The following RASSF4 variants were observed in gnomAD, a reference collection of about 807,000 sequenced individuals.
RASSF4 encodes ras association domain-containing protein 4.
A neutral mutation model predicts 41.1 loss-of-function variants in RASSF4; 38 were observed. The ratio of observed to expected loss-of-function variants is 0.92; its 90% confidence interval spans 0.71 to 1.21. The LOEUF (loss-of-function observed/expected upper bound fraction) is 1.21. Among genes scored for constraint, RASSF4 ranks in the 50% most tolerant of loss-of-function variants. The probability of loss-of-function intolerance (pLI) is 0.00; values close to 1 mark genes in which losing one functional copy is unlikely to be tolerated. For missense variants in RASSF4, 414 were observed against 419.4 expected, an observed-to-expected ratio of 0.99 and a Z score of 0.11; for synonymous variants, 179 against 163.4, an observed-to-expected ratio of 1.10 and a Z score of -0.73.
chr10:44,978,289 G>C, intron 3 of RASSF4: 1 of 462,552 alleles, frequency 2.2e-6, no homozygotes, highest in Non-Finnish European at 3.8e-6. Context: ...ACAGATAAGA[G>C]AACCTAACCT....
chr10:44,987,365 G>A (rs1841956143), intron 6 of RASSF4, among the ~76,000 whole-genome samples: 1 of 152,160 alleles, frequency 6.6e-6, no homozygotes, highest in Admixed American at 6.5e-5. Context: ...CCAAAGTGCT[G>A]GGATTACAGG....
intron 6 of RASSF4, among the ~76,000 whole-genome samples, chr10:44,988,365 G>A (rs187443535): frequency 1.2e-4 from 18 of 152,268 alleles, no homozygotes; most frequent in Non-Finnish European, 1.5e-4. Context: ...TATTGAGGAC[G>A]GACCTATTAT....
intron 1 of RASSF4, among the ~76,000 whole-genome samples, 168 bp from the exon 2 acceptor site, chr10:44,969,995 CAT>C (rs1332704784): frequency 2.0e-5 from 3 of 152,250 alleles, no homozygotes; most frequent in Non-Finnish European, 4.4e-5. Context: ...GCTTGACTGA[CAT>C]GTGGCCATGT....
At chr10:44,972,473 A>G (rs991150363) in intron 3 of RASSF4, among the ~76,000 whole-genome samples, 4 of 152,252 alleles carry the variant, frequency 2.6e-5, no homozygotes, top group African/African-American at 9.6e-5. Flanking sequence ...TCAGAAGAGG[A>G]TAGATTATCT....
At position 44,995,814 on chromosome 10, in the gene RASSF4, A is replaced by T. The variant is rs1296319165; in HGVS notation, c.*2485A>T. ...GGGAGCTCCCGCTTTCTTTCTACAT[A>T]GAGCTTAGGGTATTTCTCATATGCC... On this transcript the variant is annotated 3_prime_UTR_variant, in exon 11 of 11. Transcript: ENST00000340258. 1 of 152,138 alleles carries T rather than the reference A, an allele frequency of 6.6e-6. No homozygotes were observed. The highest frequency in any genetic ancestry group is 6.6e-5 in the Admixed American group (1 of 15,266). The allele number at this position is 152,138 out of a possible 1,614,324, so 9.4% of individuals were successfully genotyped here.
chr10:44,988,350 G>T (rs915311641), intron 6 of RASSF4, among the ~76,000 whole-genome samples: 1 of 152,212 alleles, frequency 6.6e-6, no homozygotes, highest in Non-Finnish European at 1.5e-5. Flanking sequence ...TACACAGCTA[G>T]GGTTTATTGA....
intron 1 of RASSF4, among the ~76,000 whole-genome samples, chr10:44,962,414 G>A (rs1564448196): frequency 1.3e-5 from 2 of 152,228 alleles, no homozygotes; most frequent in Non-Finnish European, 2.9e-5. Flanking sequence ...CATTTTCTGG[G>A]GAGAGTGCAC....
intron 3 of RASSF4, chr10:44,978,352 C>A: frequency 3.3e-6 from 1 of 299,558 alleles, no homozygotes; most frequent in East Asian, 8.0e-5. Flanking sequence ...CGGCCACGCA[C>A]TGACCATGGG....
rs182496269 is a variant in RASSF4 at position 44,995,670 on chromosome 10, A to G, written c.*2341A>G. 2.0e-5 allele frequency: 3 copies of G among 152,234 alleles called. No individual in the cohort carries two copies. The East Asian group carries it at 5.8e-4, about 29-fold the overall frequency. 9.4% of individuals were successfully genotyped at this position (152,234 alleles called of 1,614,324 possible). ...CTGAGGAGTTCACACCTTTTTTTCT[A>G]AATCAACATCATATTTGCTGTTCAG... On this transcript the variant is annotated 3_prime_UTR_variant, in exon 11 of 11. Transcript: ENST00000340258.
intron 10 of RASSF4, 130 bp downstream of exon 10, chr10:44,992,132 T>C (rs1842137610): frequency 1.6e-6 from 1 of 621,826 alleles, no homozygotes; most frequent in Non-Finnish European, 2.9e-6. Context: ...GAAGGCCTGC[T>C]AACCCTAGCT....
At chr10:44,991,364 A>G in intron 9 of RASSF4, 1 of 298,060 alleles carries the variant, frequency 3.4e-6, no homozygotes, top group Non-Finnish European at 6.2e-6. Context: ...TTTTGTTGTC[A>G]TTATGTGAGA....
In RASSF4 at chr10:44,992,051, G is replaced by T. The variant is rs376446793; in HGVS notation, c.905+49G>T. ...TCATGGGTCCTGAACATCAGGGCAG[G>T]TCTGCAAAGCACAGCACCAGTGCCG... On this transcript the variant is annotated intron_variant, in intron 10 of 10. Transcript: ENST00000340258. 4 of 1,269,174 alleles carry T rather than the reference G, an allele frequency of 3.2e-6. No homozygotes were observed. In the Admixed American group the frequency reaches 6.9e-5, roughly 22 times the overall value. 78.6% of individuals were successfully genotyped at this position (1,269,174 alleles called of 1,614,324 possible).
Position 44,989,146 on chromosome 10 carries a change from C to T in RASSF4, c.532-128C>T, listed in dbSNP as rs147381055. 748 of 625,500 alleles carry T rather than the reference C, an allele frequency of 1.2e-3. 9 individuals are homozygous for T. The highest frequency in any genetic ancestry group is 0.012 in the African/African-American group (638 of 54,870). 38.7% of individuals were successfully genotyped at this position (625,500 alleles called of 1,614,324 possible). Reference sequence around the variant, plus strand: ...TGGGAACAGCTTATGTGTGCATCAGCGTGAATGGACAGGTGCAGGTGTTCC... The same window carrying T: ...TGGGAACAGCTTATGTGTGCATCAGTGTGAATGGACAGGTGCAGGTGTTCC... On this transcript the variant is annotated intron_variant, in intron 6 of 10. Coordinates refer to ENST00000340258, the MANE Select transcript of RASSF4 (RefSeq NM_032023.4).
At position 44,970,234 on chromosome 10, in the gene RASSF4, T is replaced by C. The variant is rs1454040910; in HGVS notation, c.32T>C (p.Val11Ala). The change falls in exon 2 of 11, where the codon GTG becomes GCG. Residue 11 changes from valine to alanine, a missense_variant. Physicochemically the swap from Val to Ala is moderately conservative, Grantham distance 64. Transcript: ENST00000340258. ...GAAGACTGTCTGCCGAGTTCTCACGTGCCCATCAGTGACAGCAAGTCCATT... is the reference window on the plus strand; with the variant it reads ...GAAGACTGTCTGCCGAGTTCTCACGCGCCCATCAGTGACAGCAAGTCCATT... MKEDCLPSSHVPISDSKSIQK... is the reference protein window; with the variant it reads MKEDCLPSSHAPISDSKSIQK... 6.2e-7 allele frequency: 1 copy of C among 1,614,018 alleles called. No homozygotes were observed. Among genetic ancestry groups the C allele is most frequent in the African/African-American group, 1.3e-5 (1 of 74,946 alleles).
At chr10:44,960,827 C>T (rs774466281) in intron 1 of RASSF4, among the ~76,000 whole-genome samples, 10 of 152,248 alleles carry the variant, frequency 6.6e-5, no homozygotes, top group Non-Finnish European at 8.8e-5. Flanking sequence ...AGGAGCCCCT[C>T]GCTGGCTTTG....
chr10:44,991,153 A>C (rs2132806618), intron 9 of RASSF4, 84 bp downstream of exon 9: 1 of 1,341,822 alleles, frequency 7.5e-7, no homozygotes, highest in African/African-American at 1.4e-5. Flanking sequence ...TCCTGGCCAG[A>C]GCCCTGTCAG....
At chr10:44,986,233 T>C (rs1175812678) in intron 6 of RASSF4, among the ~76,000 whole-genome samples, 2 of 152,146 alleles carry the variant, frequency 1.3e-5, no homozygotes, top group Non-Finnish European at 2.9e-5. Context: ...TACTGAATGG[T>C]GGAGTTTAGC....
At chr10:44,967,101 G>A (rs772730322) in intron 1 of RASSF4, among the ~76,000 whole-genome samples, 12 of 152,236 alleles carry the variant, frequency 7.9e-5, no homozygotes, top group Non-Finnish European at 1.5e-4. Context: ...TACACCAGTG[G>A]CTTGTCACGG....
At chr10:44,966,712 G>A (rs1407984255) in intron 1 of RASSF4, among the ~76,000 whole-genome samples, 3 of 152,178 alleles carry the variant, frequency 2.0e-5, no homozygotes, top group Non-Finnish European at 4.4e-5. Flanking sequence ...TCAGAGAGTT[G>A]CCTGGTTAAT....
Sources: allele counts gnomAD v4.1 joint callset (sites outside exome capture counted in the v4.1 genomes callset), GRCh38; gene constraint gnomAD v4.1.1; transcripts MANE v1.5; gene names NCBI Gene and HGNC (gene_info 2026-07-23, HGNC 2026-07-21).